Variants in PTPRT observed in about 807,000 individuals in gnomAD.
PTPRT encodes the protein receptor-type tyrosine-protein phosphatase T.
A neutral mutation model predicts 176.8 loss-of-function variants in PTPRT; 56 were observed. The ratio of observed to expected loss-of-function variants is 0.32; its 90% CI spans 0.26 to 0.40. The LOEUF (loss-of-function observed/expected upper bound fraction) is 0.40. Ranked by LOEUF, PTPRT falls within the 10% of genes least tolerant of loss-of-function variation. The pLI is 1.00. For synonymous variants in PTPRT, 783 were observed against 739.0 expected (o/e 1.06, Z -0.96); for missense variants, 1,540 against 1,908.2 (o/e 0.81, Z 3.60).
chr20:42,040,652 C>T, the PTPRT span, among the ~76,000 whole-genome samples: 2 of 152,228 alleles, frequency 1.3e-5, no homozygotes, highest in African/African-American at 4.8e-5. Context: ...AGTTTCTTAG[C>T]AGTAACATGT....
chr20:42,456,075 C>G (rs570698305), intron 8 of PTPRT, among the ~76,000 whole-genome samples: 1 of 152,064 alleles, frequency 6.6e-6, no homozygotes, highest in Non-Finnish European at 1.5e-5. Context: ...TTAGGCCTTC[C>G]TTAACGTCTT....
At chr20:42,766,943 C>A (rs982562199) in intron 5 of PTPRT, among the ~76,000 whole-genome samples, 1 of 152,150 alleles carries the variant, frequency 6.6e-6, no homozygotes, top group Admixed American at 6.5e-5. Flanking sequence ...GGGCCTGTTT[C>A]ATTTGCTTTG....
intron 7 of PTPRT, among the ~76,000 whole-genome samples, chr20:42,632,388 C>G (rs550865761): frequency 2.6e-5 from 4 of 151,924 alleles, no homozygotes; most frequent in African/African-American, 9.6e-5. Flanking sequence ...ACAGGCCTGG[C>G]TAATTTTTGC....
At chr20:42,848,871 T>A (rs372631410) in intron 2 of PTPRT, among the ~76,000 whole-genome samples, 1 of 152,214 alleles carries the variant, frequency 6.6e-6, no homozygotes, top group Non-Finnish European at 1.5e-5. Flanking sequence ...GGGTTCTTGG[T>A]CATGAAGTCT....
intron 15 of PTPRT, among the ~76,000 whole-genome samples, chr20:42,222,616 G>A (rs537879107): frequency 1.1e-4 from 17 of 152,300 alleles, no homozygotes; most frequent in South Asian, 4.1e-4. Flanking sequence ...TGAGGGCTGC[G>A]TTTGGAGAGA....
intron 14 of PTPRT, among the ~76,000 whole-genome samples, chr20:42,244,621 C>A (rs2056416513): frequency 6.6e-6 from 1 of 152,162 alleles, no homozygotes. Context: ...TGGTGTTTCC[C>A]TATGCATAAG....
At chr20:42,494,247 C>T (rs965600893) in intron 7 of PTPRT, among the ~76,000 whole-genome samples, 2 of 152,040 alleles carry the variant, frequency 1.3e-5, no homozygotes, top group East Asian at 3.8e-4. Flanking sequence ...CAAAAAGACA[C>T]CTCTAATCCT....
chr20:42,292,168 G>A (rs911662667), intron 12 of PTPRT, among the ~76,000 whole-genome samples: 4 of 152,050 alleles, frequency 2.6e-5, no homozygotes, highest in South Asian at 2.1e-4. Context: ...TATTGACAGC[G>A]TTGGGTCCTT....
intron 8 of PTPRT, among the ~76,000 whole-genome samples, chr20:42,468,863 T>C (rs2071144452): frequency 6.6e-6 from 1 of 152,344 alleles, no homozygotes; most frequent in East Asian, 1.9e-4. Context: ...AGGAATTCCC[T>C]GTGAATATGA....
chr20:43,069,174 A>G (rs754853386), intron 1 of PTPRT, among the ~76,000 whole-genome samples: 10 of 152,228 alleles, frequency 6.6e-5, no homozygotes, highest in Non-Finnish European at 1.5e-4. Flanking sequence ...CCCTAGGTCC[A>G]AAGGCTGAGC....
In PTPRT at chr20:43,189,652, CGCTCTGAGCCCGGGCGCCGG is replaced by C; in HGVS notation, c.62_81del (p.Pro21ArgfsTer8). The C allele has an allele frequency of 7.7e-7, 1 of 1,302,640 alleles. No homozygotes were observed. Among genetic ancestry groups the C allele is most frequent in the Non-Finnish European group, 9.7e-7 (1 of 1,026,688 alleles). The allele number at this position is 1,302,640 out of a possible 1,614,324, so 80.7% of individuals were successfully genotyped here. A position where few individuals can be genotyped will look rare whatever the true frequency, so the allele number is the denominator to read the frequency against. On this transcript the variant is annotated frameshift_variant, in exon 1 of 31. Transcript: ENST00000373187. LOFTEE classifies it high-confidence loss of function. The surrounding 1 kb of genome is among the most constrained non-coding windows in gnomAD (Gnocchi z 5.0). ...GCCGGGCGGGCGCACTCACCTGCGG[CGCTCTGAGCCCGGGCGCCGG>C]GCAGTGGCGGCAGCTGCAGCCTCAG...
chr20:42,793,167 G>A (rs983022822), intron 2 of PTPRT, among the ~76,000 whole-genome samples: 8 of 152,246 alleles, frequency 5.3e-5, no homozygotes, highest in South Asian at 2.1e-4. Flanking sequence ...TCAGGTTTTC[G>A]CCATCCTACC....
intron 2 of PTPRT, among the ~76,000 whole-genome samples, chr20:42,843,638 G>T (rs1384459522): frequency 6.6e-6 from 1 of 152,222 alleles, no homozygotes; most frequent in Non-Finnish European, 1.5e-5. Flanking sequence ...GGAGCAGAAA[G>T]ATTTGGGGCA....
intron 1 of PTPRT, among the ~76,000 whole-genome samples, chr20:43,162,847 C>A (rs1167544270): frequency 6.6e-6 from 1 of 152,234 alleles, no homozygotes; most frequent in Non-Finnish European, 1.5e-5. Flanking sequence ...TCATTTCCTG[C>A]CAGAAACCAT....
At chr20:42,979,425 G>GT (rs1370841050) in intron 1 of PTPRT, among the ~76,000 whole-genome samples, 7 of 151,994 alleles carry the variant, frequency 4.6e-5, no homozygotes, top group Non-Finnish European at 2.9e-5. Context: ...TTGTTTCTTG[G>GT]TTTTTACACT....
chr20:42,996,310 C>T (rs1004659721), intron 1 of PTPRT, among the ~76,000 whole-genome samples: 9 of 152,142 alleles, frequency 5.9e-5, no homozygotes, highest in African/African-American at 1.9e-4. Context: ...AGGCAAAAAG[C>T]AGTGAGGCTC....
intron 7 of PTPRT, among the ~76,000 whole-genome samples, chr20:42,638,089 T>C (rs76565661): frequency 0.022 from 3,389 of 152,152 alleles, 130 homozygotes; most frequent in African/African-American, 0.077. Flanking sequence ...ACCCAGGAAA[T>C]TGGCAAACAT....
chr20:42,455,026 T>C (rs1002392783), intron 8 of PTPRT, among the ~76,000 whole-genome samples: 2 of 152,210 alleles, frequency 1.3e-5, no homozygotes, highest in African/African-American at 2.4e-5. Context: ...TGGGTTACTC[T>C]GAGACATGTT....
intron 9 of PTPRT, among the ~76,000 whole-genome samples, chr20:42,411,847 C>A (rs1157828004): frequency 2.0e-5 from 3 of 150,104 alleles, no homozygotes; most frequent in African/African-American, 4.9e-5. Context: ...CAAATATCTA[C>A]AAAAAAAAAA....
Sources: allele counts gnomAD v4.1 joint callset (sites outside exome capture counted in the v4.1 genomes callset), GRCh38; gene constraint gnomAD v4.1.1; non-coding constraint Gnocchi (gnomAD v3.1); transcripts MANE v1.5; gene names NCBI Gene and HGNC (gene_info 2026-07-23, HGNC 2026-07-21).